SREK1IP1: variants seen among roughly 807,000 people sequenced by gnomAD.
SREK1IP1 encodes the protein protein SREK1IP1.
SREK1IP1 carries 12 observed loss-of-function variants against 22.8 expected under a neutral mutation model. The ratio of observed to expected loss-of-function variants is 0.53; its 90% CI spans 0.34 to 0.85. The LOEUF (loss-of-function observed/expected upper bound fraction) is 0.85, where lower values mean the gene tolerates loss of function less well. Among genes scored for constraint, SREK1IP1 ranks in the 40% least tolerant of loss-of-function variants. SREK1IP1 has a pLI of 0.02. For missense variants in SREK1IP1, 147 were observed against 171.8 expected, an observed-to-expected ratio of 0.86 and a Z score of 0.81; for synonymous variants, 53 against 52.7, an observed-to-expected ratio of 1.01 and a Z score of -0.02.
intron 1 of SREK1IP1, among the ~76,000 whole-genome samples, chr5:64,764,402 A>C (rs148546998): frequency 6.6e-6 from 1 of 152,340 alleles, no homozygotes; most frequent in African/African-American, 2.4e-5. Context: ...AGGTAGTTAC[A>C]GGCAATATAG....
intron 4 of SREK1IP1, among the ~76,000 whole-genome samples, chr5:64,726,389 C>T (rs1405028584): frequency 2.6e-5 from 4 of 151,786 alleles, no homozygotes; most frequent in Non-Finnish European, 5.9e-5. Context: ...TCCTGGCTAA[C>T]ACGGTGAAAC....
In SREK1IP1 at chr5:64,741,218, A is replaced by AC. The variant is rs1163374347; in HGVS notation, c.62-19_62-18insG. Reference sequence around the variant, plus strand: ...GTGACCAGCTAAGTGAAACAAACAAAAAAAATGTGAGTGATAAAACTATAG... The same window carrying AC: ...GTGACCAGCTAAGTGAAACAAACAAACAAAAATGTGAGTGATAAAACTATAG... On this transcript the variant is annotated intron_variant, in intron 2 of 4. Transcript: ENST00000513458. 1 of 1,600,070 alleles carries AC rather than the reference A, an allele frequency of 6.2e-7. No homozygotes were observed. The highest frequency in any genetic ancestry group is 8.5e-7 in the Non-Finnish European group (1 of 1,172,800).
intron 2 of SREK1IP1, among the ~76,000 whole-genome samples, chr5:64,744,240 G>A (rs1383560886): frequency 1.3e-5 from 2 of 152,150 alleles, no homozygotes; most frequent in African/African-American, 4.8e-5. Context: ...TGAAGGGAAA[G>A]GGGTGCAAGA....
chr5:64,727,977 A>C (rs1742303786), intron 4 of SREK1IP1, 130 bp downstream of exon 4: 2 of 873,568 alleles, frequency 2.3e-6, no homozygotes, highest in African/African-American at 3.8e-5. Context: ...TTTAAACTTA[A>C]GCTCAATGAA....
At chr5:64,757,630 C>T (rs1742865328) in intron 1 of SREK1IP1, among the ~76,000 whole-genome samples, 1 of 152,050 alleles carries the variant, frequency 6.6e-6, no homozygotes, top group Non-Finnish European at 1.5e-5. Flanking sequence ...CTCAGTTCAC[C>T]GCAAATGTTG....
chr5:64,725,192 G>A (rs2112084026), intron 4 of SREK1IP1, among the ~76,000 whole-genome samples: 1 of 151,776 alleles, frequency 6.6e-6, no homozygotes, highest in South Asian at 2.1e-4. Flanking sequence ...GAAAAAGGAT[G>A]GGTTATCATT....
At chr5:64,727,553 A>ATTTTTTTTTTT (rs1186653493) in intron 4 of SREK1IP1, 5 of 84,680 alleles carry the variant, frequency 5.9e-5, no homozygotes, top group South Asian at 3.8e-4. Flanking sequence ...ATATATATAT[A>ATTTTTTTTTTT]TTTTTTTTTT....
At chr5:64,754,201 G>A in intron 2 of SREK1IP1, 114 bp downstream of exon 2, 3 of 942,182 alleles carry the variant, frequency 3.2e-6, no homozygotes, top group South Asian at 1.5e-5. Context: ...TTAGCTTAGG[G>A]CTAAAGGACT....
At position 64,720,940 on chromosome 5, in the gene SREK1IP1, C is replaced by G. The variant is rs1742152348; in HGVS notation, c.*3444G>C. 6.6e-6 allele frequency: 1 copy of G among 152,234 alleles called. No individual in the cohort carries two copies. Among genetic ancestry groups the G allele is most frequent in the African/African-American group, 2.4e-5 (1 of 41,440 alleles). The allele number at this position is 152,234 out of a possible 1,614,324, so 9.4% of individuals were successfully genotyped here. A position where few individuals can be genotyped will look rare whatever the true frequency, so the allele number is the denominator to read the frequency against. On this transcript the variant is annotated 3_prime_UTR_variant, in exon 5 of 5. Transcript: ENST00000513458. ...AGTCTCAATTCTTACCACTTCCTGCCTCGCCTATGATACACCAGCAACACC... is the reference window on the plus strand; with the variant it reads ...AGTCTCAATTCTTACCACTTCCTGCGTCGCCTATGATACACCAGCAACACC...
intron 2 of SREK1IP1, among the ~76,000 whole-genome samples, chr5:64,752,133 AT>A (rs1224410806): frequency 8.4e-6 from 1 of 118,970 alleles, no homozygotes; most frequent in South Asian, 2.9e-4. Context: ...TTTTCTGTGA[AT>A]TTTTTTTGTG....
chr5:64,731,773 A>G (rs1483635733), intron 3 of SREK1IP1, among the ~76,000 whole-genome samples: 1 of 152,130 alleles, frequency 6.6e-6, no homozygotes, highest in Non-Finnish European at 1.5e-5. Context: ...AATAATGGCC[A>G]GACCAAAGAT....
Position 64,741,100 on chromosome 5 carries a change from T to C in SREK1IP1, c.162A>G (p.Glu54=). The change falls in exon 3 of 5, where the codon GAA becomes GAG. Residue 54 remains glutamate, a synonymous_variant. Transcript: ENST00000513458. ...VSSTSSEDSD[E]ENEELNKLQA... ...GCAATTTATTCAGTTCTTCATTCTCTTCATCGCTATCTTCACTACTTGTAC... is the reference window on the plus strand; with the variant it reads ...GCAATTTATTCAGTTCTTCATTCTCCTCATCGCTATCTTCACTACTTGTAC... 6.2e-7 allele frequency: 1 copy of C among 1,613,008 alleles called. No individual in the cohort carries two copies. The highest frequency in any genetic ancestry group is 1.3e-5 in the African/African-American group (1 of 75,028).
intron 3 of SREK1IP1, among the ~76,000 whole-genome samples, chr5:64,735,476 C>A (rs1162346536): frequency 6.6e-6 from 1 of 152,006 alleles, no homozygotes; most frequent in Non-Finnish European, 1.5e-5. Context: ...TAAATGTTTT[C>A]TCATAAGAGA....
chr5:64,749,307 C>T (rs1279134813), intron 2 of SREK1IP1, among the ~76,000 whole-genome samples: 1 of 152,090 alleles, frequency 6.6e-6, no homozygotes, highest in African/African-American at 2.4e-5. Context: ...TTTGAGAACA[C>T]ACAAGCTATT....
At chr5:64,768,279 C>G (rs990849095) in intron 1 of SREK1IP1, among the ~76,000 whole-genome samples, 2 of 152,204 alleles carry the variant, frequency 1.3e-5, no homozygotes, top group Non-Finnish European at 2.9e-5. Context: ...TCCCTGTAAT[C>G]CCAAGCAGCT....
At chr5:64,729,722 G>A (rs758348679) in intron 3 of SREK1IP1, among the ~76,000 whole-genome samples, 34 of 152,264 alleles carry the variant, frequency 2.2e-4, no homozygotes, top group Non-Finnish European at 3.4e-4. Context: ...ATGTGTGTGC[G>A]AAGGATGATG....
At position 64,734,452 on chromosome 5, in the gene SREK1IP1, C is replaced by A. The variant is rs542606880; in HGVS notation, c.206-6273G>T. Among the ~76,000 whole-genome samples, 335 of 151,268 alleles carry A rather than the reference C, an allele frequency of 2.2e-3. 2 individuals are homozygous for A. Among genetic ancestry groups the A allele is most frequent in the Non-Finnish European group, 4.1e-3 (279 of 67,734 alleles). ...AGAGATAAGGTCTTGCTTGGCTTGT[C>A]GGTTTCTCAAATGGCCTGCTGGAAT... On this transcript the variant is annotated intron_variant, in intron 3 of 4. Coordinates refer to ENST00000513458, the MANE Select transcript of SREK1IP1 (RefSeq NM_173829.4).
At position 64,724,573 on chromosome 5, in the gene SREK1IP1, C is replaced by A; in HGVS notation, c.279G>T (p.Arg93Ser). Residue 93 changes from arginine (R) to serine (S), a missense_variant and splice_region_variant, in exon 5 of 5, where the codon AGG becomes AGT. Transcript: ENST00000513458. ...CTTCAGTGGAACTGGATGAGTAAGA[C>A]CTATGGATAATAATACATACTGACT... ...EKIKLKKKRK[R>S]SYSSSSTEED... The A allele has an allele frequency of 6.4e-7, 1 of 1,552,990 alleles. No individual in the cohort carries two copies. Among genetic ancestry groups the A allele is most frequent in the Non-Finnish European group, 8.6e-7 (1 of 1,159,528 alleles).
At chr5:64,746,867 A>G (rs1184132884) in intron 2 of SREK1IP1, among the ~76,000 whole-genome samples, 1 of 152,208 alleles carries the variant, frequency 6.6e-6, no homozygotes, top group Non-Finnish European at 1.5e-5. Flanking sequence ...TAGGCCACCC[A>G]TACTTCTGAC....
Sources: gnomAD v4.1 joint callset for allele counts (sites outside exome capture counted in the v4.1 genomes callset) on GRCh38, gnomAD v4.1.1 for gene constraint, MANE v1.5 for transcripts, NCBI Gene and HGNC (gene_info 2026-07-23, HGNC 2026-07-21) for gene names.